The following MAP3K13 variants were observed in gnomAD, a reference collection of about 807,000 sequenced individuals.
The protein encoded by MAP3K13 is leucine zipper-bearing kinase.
In MAP3K13, 52 loss-of-function variants were observed where a neutral mutation model predicts 104.0. The observed-to-expected ratio is 0.50, with a 90% CI of 0.40 to 0.63. The LOEUF is 0.63. MAP3K13 is among the 20% of genes least tolerant of loss of function. The probability of loss-of-function intolerance (pLI) is 0.00; values close to 1 mark genes in which losing one functional copy is unlikely to be tolerated. For missense variants in MAP3K13, 914 were observed against 1,218.5 expected (o/e 0.75, Z 3.72); for synonymous variants, 394 against 442.2 (o/e 0.89, Z 1.37).
intron 5 of MAP3K13, among the ~76,000 whole-genome samples, chr3:185,448,852 G>GTATTTGCTTATTTGTGAA (rs1715733585): frequency 6.6e-6 from 1 of 152,150 alleles, no homozygotes; most frequent in Admixed American, 6.6e-5. Flanking sequence ...TACAGCCATC[G>GTATTTGCTTATTTGTGAA]TATTTGCTTA....
intron 1 of MAP3K13, among the ~76,000 whole-genome samples, chr3:185,404,349 T>G (rs1166517161): frequency 6.6e-6 from 1 of 152,222 alleles, no homozygotes; most frequent in Non-Finnish European, 1.5e-5. Context: ...GGAACTCTTT[T>G]GTGGTCCCCA....
At chr3:185,454,567 T>G (rs1308971158) in intron 7 of MAP3K13, among the ~76,000 whole-genome samples, 13 of 117,620 alleles carry the variant, frequency 1.1e-4, no homozygotes, top group Admixed American at 2.1e-4. Flanking sequence ...ATATATATGA[T>G]ATATATGATA....
upstream of MAP3K13, chr3:185,363,130 T>G: frequency 1.0e-6 from 1 of 985,228 alleles, no homozygotes; most frequent in Non-Finnish European, 1.2e-6. Flanking sequence ...CCCTCTTTTT[T>G]TTTTCATGAC....
intron 2 of MAP3K13, among the ~76,000 whole-genome samples, chr3:185,343,421 T>A (rs142718644): frequency 4.7e-4 from 72 of 152,306 alleles, no homozygotes; most frequent in Non-Finnish European, 9.1e-4. Flanking sequence ...TCCTCCTCTG[T>A]GCTGCAAACG....
intron 7 of MAP3K13, among the ~76,000 whole-genome samples, chr3:185,459,869 A>T (rs1395631464): frequency 6.6e-6 from 1 of 151,982 alleles, no homozygotes; most frequent in Non-Finnish European, 1.5e-5. Context: ...GTAACTCCCC[A>T]TTCCCTCCTC....
intron 1 of MAP3K13, among the ~76,000 whole-genome samples, chr3:185,283,880 C>T (rs1312340545): frequency 6.7e-6 from 1 of 148,868 alleles, no homozygotes; most frequent in Non-Finnish European, 1.5e-5. Flanking sequence ...ACTTACTTTC[C>T]TTTTTCTTTC....
At chr3:185,293,711 C>T (rs1260970464) in intron 2 of MAP3K13, among the ~76,000 whole-genome samples, 1 of 152,198 alleles carries the variant, frequency 6.6e-6, no homozygotes, top group Non-Finnish European at 1.5e-5. Flanking sequence ...AGACATGAGC[C>T]ACTGTGCCCG....
rs1490350710 is a variant in MAP3K13 at position 185,395,503 on chromosome 3, C to T, written c.-86+32135C>T. On this transcript the variant is annotated intron_variant, in intron 1 of 13. Coordinates refer to ENST00000265026, the MANE Select transcript of MAP3K13 (RefSeq NM_004721.5). ...CCTCCCAAGTAGCTGGGACTACAGG[C>T]ACCCGCCACCACGCCCGGCTAATTT... Among the ~76,000 whole-genome samples, 15 of 114,934 alleles carry T rather than the reference C, an allele frequency of 1.3e-4. 1 individual carries two copies. The South Asian group carries it at 5.1e-3, about 39-fold the overall frequency. The allele number at this position is 114,934 out of a possible 152,430, so 75.4% of individuals were successfully genotyped here.
At chr3:185,352,380 G>T (rs1396869765) in intron 2 of MAP3K13, among the ~76,000 whole-genome samples, 1 of 152,062 alleles carries the variant, frequency 6.6e-6, no homozygotes, top group East Asian at 1.9e-4. Flanking sequence ...GGAGGCAGAG[G>T]TTGTGGTGAG....
In MAP3K13 at chr3:185,483,713, T is replaced by TTTTTTTTTTTTTTGGTTTGTTGGTTTGG. The variant is rs1200267472; in HGVS notation, c.*1270_*1271insGGTTTGTTGGTTTGGTTTTTTTTTTTTT. On this transcript the variant is annotated 3_prime_UTR_variant, in exon 14 of 14. Transcript: ENST00000265026. Reference sequence around the variant, plus strand: ...TAACTCATTCTATCTTAGAAGTTCTTTTTTTTTTTTTTTTTTTTGACAGAG... The same window carrying TTTTTTTTTTTTTTGGTTTGTTGGTTTGG: ...TAACTCATTCTATCTTAGAAGTTCTTTTTTTTTTTTTTTGGTTTGTTGGTTTGGTTTTTTTTTTTTTTTTTTGACAGAG... 1.0e-3 allele frequency: 161 copies of TTTTTTTTTTTTTTGGTTTGTTGGTTTGG among 159,746 alleles called. 12 individuals carry two copies. Among genetic ancestry groups the TTTTTTTTTTTTTTGGTTTGTTGGTTTGG allele is most frequent in the African/African-American group, 4.1e-3 (149 of 36,494 alleles). 9.9% of individuals were successfully genotyped at this position (159,746 alleles called of 1,614,324 possible).
At chr3:185,405,065 T>A (rs756848145) in intron 1 of MAP3K13, among the ~76,000 whole-genome samples, 26 of 152,222 alleles carry the variant, frequency 1.7e-4, no homozygotes, top group Non-Finnish European at 3.4e-4. Context: ...GTACATTGAA[T>A]ATTTCTTGTG....
intron 2 of MAP3K13, among the ~76,000 whole-genome samples, chr3:185,303,987 G>C (rs1419045037): frequency 6.6e-6 from 1 of 151,824 alleles, no homozygotes; most frequent in Non-Finnish European, 1.5e-5. Flanking sequence ...TACTACTTTT[G>C]ATGCATCCCA....
chr3:185,351,809 A>G (rs1199108862), intron 2 of MAP3K13, among the ~76,000 whole-genome samples: 1 of 152,234 alleles, frequency 6.6e-6, no homozygotes, highest in Non-Finnish European at 1.5e-5. Context: ...TGCCTCATAA[A>G]AGGAAGAACA....
At chr3:185,479,882 TGGGA>T (rs2148929949) in intron 12 of MAP3K13, among the ~76,000 whole-genome samples, 2 of 152,152 alleles carry the variant, frequency 1.3e-5, no homozygotes, top group African/African-American at 4.8e-5. Flanking sequence ...TGAAAAAAGG[TGGGA>T]GGGAGGAATG....
At chr3:185,367,721 G>A (rs946809176) in intron 1 of MAP3K13, among the ~76,000 whole-genome samples, 1 of 151,706 alleles carries the variant, frequency 6.6e-6, no homozygotes, top group Admixed American at 6.6e-5. Context: ...CTCAGGCTCC[G>A]AATACCTGGG....
chr3:185,322,752 G>C (rs778691683), intron 2 of MAP3K13, among the ~76,000 whole-genome samples: 1 of 152,170 alleles, frequency 6.6e-6, no homozygotes, highest in African/African-American at 2.4e-5. Context: ...GAATGAATGA[G>C]TTAAATGAAT....
intron 2 of MAP3K13, among the ~76,000 whole-genome samples, chr3:185,330,750 A>G (rs564954441): frequency 6.6e-6 from 1 of 152,318 alleles, no homozygotes; most frequent in South Asian, 2.1e-4. Context: ...TTTAACCTCC[A>G]GTAGGTGCCC....
At chr3:185,388,225 G>A (rs1711811048) in intron 1 of MAP3K13, among the ~76,000 whole-genome samples, 1 of 152,072 alleles carries the variant, frequency 6.6e-6, no homozygotes, top group Non-Finnish European at 1.5e-5. Context: ...AAAGAGGCCA[G>A]GCACCATAAC....
At chr3:185,384,688 T>G (rs555781661) in intron 1 of MAP3K13, among the ~76,000 whole-genome samples, 5 of 152,322 alleles carry the variant, frequency 3.3e-5, no homozygotes, top group Admixed American at 3.3e-4. Flanking sequence ...TTGATTTGCA[T>G]TTCCCTGGTA....
Sources: allele counts gnomAD v4.1 joint callset (sites outside exome capture counted in the v4.1 genomes callset), GRCh38; gene constraint gnomAD v4.1.1; transcripts MANE v1.5; gene names NCBI Gene and HGNC (gene_info 2026-07-23, HGNC 2026-07-21).